CDH20: variants seen among roughly 807,000 people sequenced by gnomAD.
The protein encoded by CDH20 is cadherin 20.
CDH20 carries 29 observed loss-of-function variants against 74.2 expected under a neutral mutation model. That is an observed-to-expected ratio of 0.39 (90% CI 0.29 to 0.53). CDH20 has a LOEUF of 0.53. Ranked by LOEUF, CDH20 falls within the 20% of genes least tolerant of loss-of-function variation. The pLI is 0.69. For synonymous variants in CDH20, 469 were observed against 405.4 expected, an observed-to-expected ratio of 1.16 and a Z score of -1.88; for missense variants, 988 against 1,048.3, an observed-to-expected ratio of 0.94 and a Z score of 0.79.
intron 1 of CDH20, among the ~76,000 whole-genome samples, chr18:61,471,527 AT>A (rs1231405350): frequency 3.3e-5 from 5 of 152,220 alleles, no homozygotes; most frequent in African/African-American, 9.6e-5. Context: ...TACAGATTCA[AT>A]AGCAACATGC....
chr18:61,507,634 G>A lies in CDH20; in HGVS notation c.1017+74G>A, dbSNP rs952332944. On this transcript the variant is annotated intron_variant, in intron 6 of 11. Coordinates refer to ENST00000262717, the MANE Select transcript of CDH20 (RefSeq NM_031891.4). Reference sequence around the variant, plus strand: ...TTATGAAATGCTAGTAAGGACTGTTGTATTATTGATATGCATTGCTTCAAA... The same window carrying A: ...TTATGAAATGCTAGTAAGGACTGTTATATTATTGATATGCATTGCTTCAAA... 6.1e-5 allele frequency: 65 copies of A among 1,071,376 alleles called. 1 individual carries two copies. The highest frequency in any genetic ancestry group is 8.1e-5 in the Non-Finnish European group (60 of 744,826). The allele number at this position is 1,071,376 out of a possible 1,614,324, so 66.4% of individuals were successfully genotyped here.
At chr18:61,465,817 C>T (rs1909941952) in intron 1 of CDH20, among the ~76,000 whole-genome samples, 1 of 151,918 alleles carries the variant, frequency 6.6e-6, no homozygotes, top group Non-Finnish European at 1.5e-5. Flanking sequence ...ATGGAATCTG[C>T]TCTGGGAAGG....
chr18:61,482,484 G>A (rs58519285), intron 1 of CDH20, among the ~76,000 whole-genome samples: 6,701 of 152,198 alleles, frequency 0.044, 151 homozygotes, highest in Middle Eastern at 0.088. Context: ...CTTGGTTGAA[G>A]TTCTCCTTAC....
chr18:61,335,638 C>T (rs896377366), intron 1 of CDH20, among the ~76,000 whole-genome samples: 2 of 152,182 alleles, frequency 1.3e-5, no homozygotes, highest in African/African-American at 2.4e-5. Context: ...TTCTGATTTT[C>T]GCTCTCTGCA....
chr18:61,434,669 G>A lies in CDH20; in HGVS notation c.-152-55733G>A, dbSNP rs1397723624. Among the ~76,000 whole-genome samples the A allele has an allele frequency of 2.6e-5, 4 of 152,064 alleles. No homozygotes were observed. The East Asian group carries it at 7.7e-4, about 29-fold the overall frequency. On this transcript the variant is annotated intron_variant, in intron 1 of 11. Transcript: ENST00000262717. Reference sequence around the variant, plus strand: ...CCATGAGGTCTGTGGGCTGCTCACTGTGCCTGCACCCCAAGCTCCCTGAGC... The same window carrying A: ...CCATGAGGTCTGTGGGCTGCTCACTATGCCTGCACCCCAAGCTCCCTGAGC...
At chr18:61,338,623 C>G (rs543542591) in intron 1 of CDH20, among the ~76,000 whole-genome samples, 1 of 152,274 alleles carries the variant, frequency 6.6e-6, no homozygotes, top group African/African-American at 2.4e-5. Context: ...TAAACTATTA[C>G]CTCCTTAAAA....
At chr18:61,468,989 C>T (rs916671838) in intron 1 of CDH20, among the ~76,000 whole-genome samples, 4 of 152,214 alleles carry the variant, frequency 2.6e-5, no homozygotes, top group African/African-American at 7.2e-5. Flanking sequence ...AAAAATCAAA[C>T]CCCTCCCCTC....
At chr18:61,532,858 T>C (rs1176389079) in intron 7 of CDH20, among the ~76,000 whole-genome samples, 1 of 152,228 alleles carries the variant, frequency 6.6e-6, no homozygotes, top group African/African-American at 2.4e-5. Flanking sequence ...CCAGTCCCTA[T>C]TTAAATAATT....
At chr18:61,499,596 C>G in intron 3 of CDH20, 116 bp downstream of exon 3, 1 of 849,048 alleles carries the variant, frequency 1.2e-6, no homozygotes, top group Non-Finnish European at 1.7e-6. Flanking sequence ...AACAGGAGAG[C>G]ATGAGAGGAG....
At chr18:61,525,225 A>T (rs555370) in intron 6 of CDH20, among the ~76,000 whole-genome samples, 1 of 151,822 alleles carries the variant, frequency 6.6e-6, no homozygotes, top group Non-Finnish European at 1.5e-5. Context: ...TATACTAAAA[A>T]AGAAATTTTA....
chr18:61,405,270 G>T, intron 1 of CDH20: 1 of 359,392 alleles, frequency 2.8e-6, no homozygotes, highest in Middle Eastern at 9.0e-4. Flanking sequence ...CCGGGAGCGA[G>T]AAAGGCCATT....
At chr18:61,404,088 G>A (rs1210992059) in intron 1 of CDH20, among the ~76,000 whole-genome samples, 2 of 152,182 alleles carry the variant, frequency 1.3e-5, no homozygotes, top group Non-Finnish European at 2.9e-5. Flanking sequence ...TAGGGGGCAA[G>A]GAGAGCATCA....
At chr18:61,542,045 C>T (rs1913060557) in intron 9 of CDH20, among the ~76,000 whole-genome samples, 1 of 152,162 alleles carries the variant, frequency 6.6e-6, no homozygotes, top group Non-Finnish European at 1.5e-5. Context: ...CCAGTCTCAC[C>T]AATATATACA....
At chr18:61,347,895 T>C (rs1308628469) in intron 1 of CDH20, among the ~76,000 whole-genome samples, 1 of 110,910 alleles carries the variant, frequency 9.0e-6, no homozygotes, top group South Asian at 2.9e-4. Context: ...AAACTCACGA[T>C]GTATTTTTGG....
chr18:61,539,190 C>T (rs1333893247), intron 9 of CDH20, 45 bp downstream of exon 9: 1 of 1,596,770 alleles, frequency 6.3e-7, no homozygotes, highest in Non-Finnish European at 8.5e-7. Context: ...CCCCTAACTT[C>T]TGGAAACAAT....
intron 1 of CDH20, among the ~76,000 whole-genome samples, chr18:61,454,854 TG>T (rs1465836211): frequency 3.9e-5 from 6 of 152,176 alleles, no homozygotes; most frequent in African/African-American, 1.4e-4. Flanking sequence ...GTCCCCATTG[TG>T]GTAAGGTGTT....
At chr18:61,398,252 T>C (rs1264956430) in intron 1 of CDH20, among the ~76,000 whole-genome samples, 1 of 152,250 alleles carries the variant, frequency 6.6e-6, no homozygotes, top group African/African-American at 2.4e-5. Flanking sequence ...TTTACTCTAA[T>C]TTTATAGTTT....
intron 1 of CDH20, among the ~76,000 whole-genome samples, chr18:61,398,974 TG>T (rs2144221380): frequency 1.3e-5 from 2 of 152,344 alleles, no homozygotes; most frequent in East Asian, 3.9e-4. Context: ...ACTATTTCCC[TG>T]GCCCAAACTT....
chr18:61,538,597 T>TTTTTTTTTTA lies in CDH20; in HGVS notation c.1409-423_1409-422insTTTTTATTTT, dbSNP rs1912899559. The stretch of plus-strand genomic sequence containing the variant: ...TAACTACTTTTTGTTTGTTTGTTTG[T>TTTTTTTTTTA]TTTTGTTTTTGTTTTTGTTTTTGTT... On this transcript the variant is annotated intron_variant, in intron 8 of 11. Coordinates refer to ENST00000262717, the MANE Select transcript of CDH20 (RefSeq NM_031891.4). Among the ~76,000 whole-genome samples the TTTTTTTTTTA allele has an allele frequency of 1.4e-4, 2 of 13,814 alleles. 1 individual carries two copies. Among genetic ancestry groups the TTTTTTTTTTA allele is most frequent in the Non-Finnish European group, 3.2e-4 (2 of 6,268 alleles). 9.1% of individuals were successfully genotyped at this position (13,814 alleles called of 152,430 possible).
Sources: allele counts gnomAD v4.1 joint callset (sites outside exome capture counted in the v4.1 genomes callset), GRCh38; gene constraint gnomAD v4.1.1; transcripts MANE v1.5; gene names NCBI Gene and HGNC (gene_info 2026-07-23, HGNC 2026-07-21).